Variants in AIMP1 observed in about 807,000 individuals in gnomAD.
The protein encoded by AIMP1 is aminoacyl tRNA synthetase complex interacting multifunctional protein 1.
AIMP1 carries 24 observed loss-of-function variants against 33.1 expected under a neutral mutation model. That is an observed-to-expected ratio of 0.73 (90% CI 0.53 to 1.02). AIMP1 has a LOEUF of 1.02. Among genes scored for constraint, AIMP1 ranks in the 50% least tolerant of loss-of-function variants. AIMP1 has a pLI of 0.00. For missense variants in AIMP1, 367 were observed against 364.8 expected (o/e 1.01, Z -0.05); for synonymous variants, 120 against 121.5 (o/e 0.99, Z 0.08).
chr4:106,322,027 A>G (rs2125919457), intron 1 of AIMP1, among the ~76,000 whole-genome samples: 1 of 152,130 alleles, frequency 6.6e-6, no homozygotes, highest in Non-Finnish European at 1.5e-5. Context: ...GTGTCCACTA[A>G]GGGTTAAATG....
At chr4:106,317,356 CG>C (rs1359065774) in intron 1 of AIMP1, among the ~76,000 whole-genome samples, 1 of 152,082 alleles carries the variant, frequency 6.6e-6, no homozygotes, top group Non-Finnish European at 1.5e-5. Flanking sequence ...TAAATCAAGG[CG>C]AGCAGGTCAT....
intron 5 of AIMP1, among the ~76,000 whole-genome samples, chr4:106,332,124 T>G (rs1769704071): frequency 6.6e-6 from 1 of 152,168 alleles, no homozygotes; most frequent in African/African-American, 2.4e-5. Context: ...TGTATTATTT[T>G]ATCTATTTTT....
intron 6 of AIMP1, among the ~76,000 whole-genome samples, chr4:106,345,693 A>G (rs1397478295): frequency 6.6e-6 from 1 of 151,862 alleles, no homozygotes; most frequent in East Asian, 1.9e-4. Flanking sequence ...TTAGAAGGCA[A>G]TGTTGTATGT....
Position 106,328,132 on chromosome 4 carries a change from G to A in AIMP1, c.280G>A (p.Glu94Lys). ...TPLHANSMVSENVIQSTAVTT... is the reference protein window; with the variant it reads ...TPLHANSMVSKNVIQSTAVTT... ...ACTGCACGCTAATTCTATGGTTTCT[G>A]AAAATGTGATACAGTCTACAGCAGT... Residue 94 changes from glutamate to lysine, a missense_variant, in exon 4 of 7, where the codon GAA becomes AAA. By Grantham distance (56) the Glu-to-Lys change is moderately conservative (BLOSUM62 1). Transcript: ENST00000672341. 6.2e-7 allele frequency: 1 copy of A among 1,613,512 alleles called. No homozygotes were observed. The highest frequency in any genetic ancestry group is 8.5e-7 in the Non-Finnish European group (1 of 1,179,724).
At chr4:106,331,528 G>T in intron 4 of AIMP1, 144 bp from the exon 5 acceptor site, 1 of 684,624 alleles carries the variant, frequency 1.5e-6, no homozygotes, top group Admixed American at 2.8e-5. Context: ...TTTTTTCTTT[G>T]TTATTATTTA....
intron 6 of AIMP1, among the ~76,000 whole-genome samples, chr4:106,346,915 G>A (rs529386790): frequency 1.3e-5 from 2 of 152,238 alleles, no homozygotes; most frequent in South Asian, 4.1e-4. Context: ...GGTTCAGCGG[G>A]CTGTACAGGA....
Position 106,327,560 on chromosome 4 carries a change from T to G in AIMP1, c.219T>G (p.Asn73Lys). The G allele has an allele frequency of 6.2e-7, 1 of 1,606,542 alleles. No individual in the cohort carries two copies. Among genetic ancestry groups the G allele is most frequent in the Non-Finnish European group, 8.5e-7 (1 of 1,174,014 alleles). The stretch of plus-strand genomic sequence containing the variant: ...AGCTAATTCAGGCAGAAATTCAAAA[T>G]GGAGGTAATTAAATATAGAAAATTT... Reference protein sequence around the residue: ...KQELIQAEIQNGVKQIPFPSG... With the variant: ...KQELIQAEIQKGVKQIPFPSG... The change falls in exon 3 of 7, where the codon AAT (asparagine) becomes AAG (lysine). Residue 73 changes from asparagine to lysine, a missense_variant. By Grantham distance (94) the Asn-to-Lys change is moderately conservative. Coordinates refer to ENST00000672341, the MANE Select transcript of AIMP1 (RefSeq NM_001142416.2).
chr4:106,337,390 T>A (rs1183550355), intron 6 of AIMP1, among the ~76,000 whole-genome samples: 1 of 152,178 alleles, frequency 6.6e-6, no homozygotes, highest in African/African-American at 2.4e-5. Context: ...TGTGCTGTTC[T>A]CATGATAGTG....
At chr4:106,328,595 C>T (rs1287121911) in intron 4 of AIMP1, among the ~76,000 whole-genome samples, 1 of 152,070 alleles carries the variant, frequency 6.6e-6, no homozygotes, top group African/African-American at 2.4e-5. Context: ...TAGCTTAGGA[C>T]CAGTTGTGAA....
intron 6 of AIMP1, among the ~76,000 whole-genome samples, chr4:106,345,637 G>A (rs1027927067): frequency 3.3e-5 from 5 of 151,662 alleles, no homozygotes; most frequent in African/African-American, 1.2e-4. Context: ...TCTAATGTAG[G>A]TGTATCATTC....
chr4:106,340,347 A>C (rs762577528), intron 6 of AIMP1, among the ~76,000 whole-genome samples: 1 of 151,720 alleles, frequency 6.6e-6, no homozygotes, highest in Non-Finnish European at 1.5e-5. Flanking sequence ...GGCAAATTGT[A>C]TGTCCTTGAA....
At chr4:106,316,316 C>T (rs188723134), upstream of AIMP1, 23 of 485,542 alleles carry the variant, frequency 4.7e-5, no homozygotes, top group Non-Finnish European at 7.1e-5. Context: ...AAACTGGCCA[C>T]GAAAGGACAT....
intron 1 of AIMP1, chr4:106,316,811 T>G (rs776479199): frequency 1.9e-6 from 1 of 513,642 alleles, no homozygotes; most frequent in Non-Finnish European, 3.5e-6. Context: ...CAGGCCTAAG[T>G]TAAGAATGCT....
chr4:106,327,619 C>A, intron 3 of AIMP1, 55 bp downstream of exon 3: 3 of 1,272,940 alleles, frequency 2.4e-6, no homozygotes, highest in Non-Finnish European at 2.3e-6. Context: ...TGGCCAGTCA[C>A]ACCAACAGTG....
Position 106,336,755 on chromosome 4 carries a change from T to A in AIMP1, c.604-114T>A, listed in dbSNP as rs1274797370. On this transcript the variant is annotated intron_variant, in intron 5 of 6. Transcript: ENST00000672341. The stretch of plus-strand genomic sequence containing the variant: ...TTGGGCACACAAAGACAAAGGTACA[T>A]CCACAAAAGTAGAACATTTGATACT... The A allele has an allele frequency of 2.9e-6, 3 of 1,029,262 alleles. No individual in the cohort carries two copies. In the Admixed American group the frequency reaches 5.1e-5, roughly 18 times the overall value. The allele number at this position is 1,029,262 out of a possible 1,614,324, so 63.8% of individuals were successfully genotyped here. A position where few individuals can be genotyped will look rare whatever the true frequency, so the allele number is the denominator to read the frequency against.
intron 3 of AIMP1, 140 bp from the exon 4 acceptor site, chr4:106,327,936 T>A (rs937245138): frequency 7.6e-7 from 1 of 1,319,022 alleles, no homozygotes; most frequent in Admixed American, 2.3e-5. Flanking sequence ...CATTTTATAG[T>A]CTCAGACAGT....
chr4:106,327,840 C>T (rs1176282300), intron 3 of AIMP1, among the ~76,000 whole-genome samples: 3 of 152,010 alleles, frequency 2.0e-5, no homozygotes, highest in Non-Finnish European at 4.4e-5. Flanking sequence ...GCAGGTTTCT[C>T]GGTTTAGTAA....
Position 106,347,971 on chromosome 4 carries a change from T to C in AIMP1, c.*279T>C. 3.8e-6 allele frequency: 1 copy of C among 264,660 alleles called. No individual in the cohort carries two copies. The highest frequency in any genetic ancestry group is 7.3e-6 in the Non-Finnish European group (1 of 137,132). The allele number at this position is 264,660 out of a possible 1,614,324, so 16.4% of individuals were successfully genotyped here. A position where few individuals can be genotyped will look rare whatever the true frequency, so the allele number is the denominator to read the frequency against. ...TTGATTAGCAGCTTTTTTTTCTTTA[T>C]ACACATAGATAACTAACTAGATTAA... On this transcript the variant is annotated 3_prime_UTR_variant, in exon 7 of 7. Transcript: ENST00000672341.
intron 2 of AIMP1, among the ~76,000 whole-genome samples, chr4:106,326,919 A>G (rs1769474160): frequency 6.6e-6 from 1 of 152,120 alleles, no homozygotes; most frequent in Non-Finnish European, 1.5e-5. Context: ...CTGGGACCAC[A>G]TGAATGTACC....
Sources: allele counts gnomAD v4.1 joint callset (sites outside exome capture counted in the v4.1 genomes callset), GRCh38; gene constraint gnomAD v4.1.1; transcripts MANE v1.5; gene names NCBI Gene and HGNC (gene_info 2026-07-23, HGNC 2026-07-21).